The following PKD1L1 variants were observed in gnomAD, a reference collection of about 807,000 sequenced individuals.
PKD1L1 encodes the protein polycystin 1 like 1, transient receptor potential channel interacting, also known as polycystin-1-like protein 1.
PKD1L1 carries 236 observed loss-of-function variants against 323.4 expected under a neutral mutation model. That is an observed-to-expected ratio of 0.73 (90% confidence interval 0.66 to 0.81). The LOEUF (loss-of-function observed/expected upper bound fraction) is 0.81. Among genes scored for constraint, PKD1L1 ranks in the 40% least tolerant of loss-of-function variants. The pLI is 0.00. For synonymous variants in PKD1L1, 1,344 were observed against 1,335.0 expected, an observed-to-expected ratio of 1.01 and a Z score of -0.15; for missense variants, 3,320 against 3,508.0, an observed-to-expected ratio of 0.95 and a Z score of 1.35.
rs1186295167 is a variant in PKD1L1, at chr7:47,855,024, T to A, written c.4717A>T (p.Lys1573Ter). The A allele has an allele frequency of 6.2e-7, 1 of 1,612,844 alleles. No homozygotes were observed. The highest frequency in any genetic ancestry group is 8.5e-7 in the Non-Finnish European group (1 of 1,179,758). The change falls in exon 30 of 57, where the codon AAA becomes TAA. Residue 1573 changes from lysine (K) to a stop codon, truncating the protein, a stop_gained. Transcript: ENST00000289672. LOFTEE classifies it high-confidence loss of function. ...EEDGLDNRRN[K>*]TTFVLLRDKV... is the part of the protein sequence containing the mutation. ...TCCCGAAGTAATACAAATGTCGTTT[T>A]ATTTCTCCTATTATCCTGTCATCAC...
chr7:47,916,571 C>T (rs1787432490), intron 7 of PKD1L1, among the ~76,000 whole-genome samples: 1 of 152,162 alleles, frequency 6.6e-6, no homozygotes, highest in Admixed American at 6.5e-5. Flanking sequence ...AAGTGGATTG[C>T]TCCTGCAGGA....
At position 47,880,724 on chromosome 7, in the gene PKD1L1, A is replaced by C; in HGVS notation, c.3520+4T>G. Reference sequence around the variant, plus strand: ...TGATAAATGCAACTGACAATGTAACATACCCACAGACACTTGCAGGACGTA... The same window carrying C: ...TGATAAATGCAACTGACAATGTAACCTACCCACAGACACTTGCAGGACGTA... On this transcript the variant is annotated splice_donor_region_variant and intron_variant, in intron 21 of 56. Coordinates refer to ENST00000289672, the MANE Select transcript of PKD1L1 (RefSeq NM_138295.5). 1.2e-6 allele frequency: 2 copies of C among 1,601,496 alleles called. No homozygotes were observed. Among genetic ancestry groups the C allele is most frequent in the Non-Finnish European group, 1.7e-6 (2 of 1,172,394 alleles).
rs575569163 is a variant in PKD1L1 at position 47,813,354 on chromosome 7, C to T, written c.7174-61G>A. Reference sequence around the variant, plus strand: ...CTATTCCCAAGGCTACCCTGCAATCCGGGGTCTCCAGGCCTGGCCACATGT... The same window carrying T: ...CTATTCCCAAGGCTACCCTGCAATCTGGGGTCTCCAGGCCTGGCCACATGT... On this transcript the variant is annotated intron_variant, in intron 48 of 56. Transcript: ENST00000289672. 2.1e-4 allele frequency: 335 copies of T among 1,580,688 alleles called. No individual in the cohort carries two copies. In the African/African-American group the frequency reaches 3.5e-3, roughly 17 times the overall value.
At chr7:47,919,424 A>G (rs1787492277) in intron 7 of PKD1L1, among the ~76,000 whole-genome samples, 1 of 152,172 alleles carries the variant, frequency 6.6e-6, no homozygotes, top group African/African-American at 2.4e-5. Context: ...AGACGAATTC[A>G]CAGGAAAATT....
intron 18 of PKD1L1, 21 bp downstream of exon 18, chr7:47,885,665 T>C: frequency 6.3e-7 from 1 of 1,596,960 alleles, no homozygotes; most frequent in Non-Finnish European, 8.5e-7. Flanking sequence ...AGGGATGACA[T>C]GCAGGAACAG....
At chr7:47,814,900 C>T (rs973958661) in intron 47 of PKD1L1, among the ~76,000 whole-genome samples, 15 of 152,206 alleles carry the variant, frequency 9.9e-5, no homozygotes, top group African/African-American at 3.1e-4. Context: ...CTTTTTCTTC[C>T]GAACTTGGGA....
intron 1 of PKD1L1, among the ~76,000 whole-genome samples, chr7:47,947,733 C>A (rs1299465294): frequency 1.3e-5 from 2 of 152,168 alleles, no homozygotes; most frequent in East Asian, 3.9e-4. Context: ...TTTGGGAGGC[C>A]AAGGCGGGCA....
chr7:47,793,153 A>G (rs1786993226), intron 55 of PKD1L1, among the ~76,000 whole-genome samples: 1 of 152,144 alleles, frequency 6.6e-6, no homozygotes, highest in African/African-American at 2.4e-5. Flanking sequence ...ATTGAGCACT[A>G]TTAAAAAAAT....
upstream of PKD1L1, chr7:47,948,526 T>C: frequency 1.5e-6 from 2 of 1,350,972 alleles, no homozygotes; most frequent in South Asian, 2.4e-5. Flanking sequence ...TAGAGCTTAA[T>C]GCTTCCAGCT....
At chr7:47,944,002 C>T (rs564039461) in intron 1 of PKD1L1, among the ~76,000 whole-genome samples, 4 of 152,344 alleles carry the variant, frequency 2.6e-5, no homozygotes, top group South Asian at 4.1e-4. Flanking sequence ...GAGATGCCAG[C>T]GCAGACACAG....
At chr7:47,859,574 G>A (rs967673908) in intron 26 of PKD1L1, among the ~76,000 whole-genome samples, 10 of 151,350 alleles carry the variant, frequency 6.6e-5, no homozygotes, top group Non-Finnish European at 1.5e-4. Context: ...GAACTCCTGG[G>A]CTTACATGAT....
In PKD1L1 at chr7:47,839,441, C is replaced by G. The variant is rs1785522311; in HGVS notation, c.5769+5G>C. ...GCCACGAGAGGCCACCTGGAGGGAG[C>G]CTACCTTCCGGAAGCCGAGTCCCCC... is the stretch of plus-strand genomic sequence containing the variant. On this transcript the variant is annotated splice_donor_5th_base_variant and intron_variant, in intron 36 of 56. Transcript: ENST00000289672. This position sits in a 1 kb window ranked among gnomAD's most constrained non-coding sequence, Gnocchi z 4.3. The G allele has an allele frequency of 6.2e-7, 1 of 1,602,028 alleles. No individual in the cohort carries two copies. The highest frequency in any genetic ancestry group is 1.3e-5 in the African/African-American group (1 of 74,822).
intron 56 of PKD1L1, among the ~76,000 whole-genome samples, chr7:47,791,909 A>G (rs1786956865): frequency 1.3e-5 from 2 of 152,002 alleles, no homozygotes; most frequent in East Asian, 3.9e-4. Flanking sequence ...CTTCTTTTTC[A>G]CTGTGTACCT....
At chr7:47,805,436 T>C (rs1258748840) in intron 52 of PKD1L1, among the ~76,000 whole-genome samples, 1 of 152,196 alleles carries the variant, frequency 6.6e-6, no homozygotes. Context: ...CAGAGAATAA[T>C]TTGACAAACA....
intron 27 of PKD1L1, among the ~76,000 whole-genome samples, chr7:47,858,367 AAC>A (rs1785949457): frequency 7.0e-6 from 1 of 143,530 alleles, no homozygotes; most frequent in Non-Finnish European, 1.5e-5. Context: ...TCCTCAAAAA[AAC>A]AGAAGGTATC....
At chr7:47,921,406 A>T (rs1269843196) in intron 7 of PKD1L1, among the ~76,000 whole-genome samples, 1 of 152,204 alleles carries the variant, frequency 6.6e-6, no homozygotes, top group Non-Finnish European at 1.5e-5. Flanking sequence ...GTTGGTGTGG[A>T]TGCAGTGAAC....
intron 26 of PKD1L1, among the ~76,000 whole-genome samples, chr7:47,861,358 A>C (rs1361062376): frequency 6.6e-6 from 1 of 152,260 alleles, no homozygotes; most frequent in Non-Finnish European, 1.5e-5. Flanking sequence ...CTCTGCCTTC[A>C]GACCTTTGTG....
chr7:47,862,536 T>C (rs1441813707), intron 26 of PKD1L1, among the ~76,000 whole-genome samples: 2 of 152,052 alleles, frequency 1.3e-5, no homozygotes, highest in African/African-American at 4.8e-5. Flanking sequence ...GACATTCCAG[T>C]GGGGGAAGAG....
At chr7:47,815,498 A>G in intron 46 of PKD1L1, 41 bp from the exon 47 acceptor site, 1 of 1,599,384 alleles carries the variant, frequency 6.3e-7, no homozygotes, top group East Asian at 2.2e-5. Context: ...TTCTGCATCA[A>G]CAAGAACAAT....
Sources: allele counts gnomAD v4.1 joint callset (sites outside exome capture counted in the v4.1 genomes callset), GRCh38; gene constraint gnomAD v4.1.1; non-coding constraint Gnocchi (gnomAD v3.1); transcripts MANE v1.5; gene names NCBI Gene and HGNC (gene_info 2026-07-23, HGNC 2026-07-21).